The following ACBD6 variants were observed in gnomAD, a reference collection of about 807,000 sequenced individuals.
The protein encoded by ACBD6 is acyl-CoA binding domain containing 6.
ACBD6 carries 28 observed loss-of-function variants against 37.2 expected under a neutral mutation model. The ratio of observed to expected loss-of-function variants is 0.75; its 90% CI spans 0.56 to 1.03. The LOEUF is 1.03. Among genes scored for constraint, ACBD6 ranks in the 50% least tolerant of loss-of-function variants. The probability of loss-of-function intolerance (pLI) is 0.00; values close to 1 mark genes in which losing one functional copy is unlikely to be tolerated. For synonymous variants in ACBD6, 113 were observed against 126.8 expected (o/e 0.89, Z 0.73); for missense variants, 340 against 337.4 (o/e 1.01, Z -0.06).
intron 3 of ACBD6, among the ~76,000 whole-genome samples, chr1:180,474,897 CA>C (rs1257647013): frequency 6.6e-6 from 1 of 152,160 alleles, no homozygotes; most frequent in African/African-American, 2.4e-5. Flanking sequence ...ATTTACTGTC[CA>C]ACTGGGACAT....
chr1:180,313,715 T>A (rs1650682739), intron 7 of ACBD6, among the ~76,000 whole-genome samples: 1 of 152,154 alleles, frequency 6.6e-6, no homozygotes, highest in African/African-American at 2.4e-5. Flanking sequence ...ATCTTTTTTC[T>A]TTGGAGACAG....
In ACBD6 at chr1:180,288,369, C is replaced by T; in HGVS notation, c.843G>A (p.Lys281=). ...CAGTTTTCCAGTCTTTTGATTAAGCCTTGCCAGTTGTGTGCCGCTGCAGCA... is the reference window on the plus strand; with the variant it reads ...CAGTTTTCCAGTCTTTTGATTAAGCTTTGCCAGTTGTGTGCCGCTGCAGCA... The part of the protein sequence containing the change: ...SLVLQRHTTG[K]A Residue 281 remains lysine, a synonymous_variant, in exon 8 of 8, where the codon AAG becomes AAA. Transcript: ENST00000367595. The T allele has an allele frequency of 1.2e-6, 2 of 1,613,688 alleles. No individual in the cohort carries two copies. Among genetic ancestry groups the T allele is most frequent in the Non-Finnish European group, 1.7e-6 (2 of 1,179,968 alleles).
At chr1:180,383,792 A>T (rs1653746737) in intron 6 of ACBD6, among the ~76,000 whole-genome samples, 1 of 152,214 alleles carries the variant, frequency 6.6e-6, no homozygotes, top group East Asian at 1.9e-4. Context: ...TATAGTAACC[A>T]AGAAAGCATG....
intron 4 of ACBD6, among the ~76,000 whole-genome samples, chr1:180,426,827 AT>A (rs1349154801): frequency 6.6e-6 from 1 of 152,238 alleles, no homozygotes; most frequent in Admixed American, 6.5e-5. Context: ...TACTATAATT[AT>A]CCCCATTTTA....
chr1:180,354,744 T>G (rs1231607960), intron 6 of ACBD6, among the ~76,000 whole-genome samples: 2 of 152,196 alleles, frequency 1.3e-5, no homozygotes, highest in Non-Finnish European at 2.9e-5. Context: ...AATGTTAGCT[T>G]TAGTTTTATT....
chr1:180,414,789 A>G (rs1233176658), intron 4 of ACBD6, among the ~76,000 whole-genome samples: 1 of 152,256 alleles, frequency 6.6e-6, no homozygotes, highest in Non-Finnish European at 1.5e-5. Context: ...TAATAGGACT[A>G]TATGGTCACT....
At chr1:180,374,983 C>A (rs964164848) in intron 6 of ACBD6, among the ~76,000 whole-genome samples, 1 of 151,842 alleles carries the variant, frequency 6.6e-6, no homozygotes. Context: ...GGAAAGACAC[C>A]CTATATTCTT....
intron 7 of ACBD6, among the ~76,000 whole-genome samples, chr1:180,305,194 G>T (rs139891935): frequency 0.072 from 10,990 of 152,158 alleles, 1,250 homozygotes; most frequent in African/African-American, 0.24. Context: ...CATGGGCAAG[G>T]ACTTCATGTC....
chr1:180,454,562 A>C (rs903980029), intron 3 of ACBD6, among the ~76,000 whole-genome samples: 1 of 152,240 alleles, frequency 6.6e-6, no homozygotes, highest in African/African-American at 2.4e-5. Context: ...GCACAGCAAA[A>C]GAAACTATCA....
At chr1:180,281,525 G>A (rs1649308045) in intron 8 of ACBD6, 1 of 152,224 alleles carries the variant, frequency 6.6e-6, no homozygotes, top group Non-Finnish European at 1.5e-5. Flanking sequence ...TGTTATGTGA[G>A]GCACAGTTTA....
At chr1:180,470,682 T>C (rs1158459864) in intron 3 of ACBD6, among the ~76,000 whole-genome samples, 2 of 152,210 alleles carry the variant, frequency 1.3e-5, no homozygotes, top group Non-Finnish European at 2.9e-5. Context: ...AACTCTAGAA[T>C]ACAGAAAAAT....
intron 6 of ACBD6, among the ~76,000 whole-genome samples, chr1:180,386,843 A>C (rs1158411129): frequency 2.0e-5 from 3 of 152,094 alleles, no homozygotes; most frequent in Non-Finnish European, 2.9e-5. Context: ...CTACTCATTG[A>C]AACATTTTTA....
At chr1:180,290,037 A>G (rs929957404) in intron 7 of ACBD6, among the ~76,000 whole-genome samples, 1 of 152,182 alleles carries the variant, frequency 6.6e-6, no homozygotes, top group African/African-American at 2.4e-5. Flanking sequence ...TCTATTTCTT[A>G]AGCTAAGTAG....
At chr1:180,289,442 A>G (rs1649616349) in intron 7 of ACBD6, among the ~76,000 whole-genome samples, 1 of 152,224 alleles carries the variant, frequency 6.6e-6, no homozygotes, top group African/African-American at 2.4e-5. Context: ...ATTAACTTTG[A>G]CAATGCCAAG....
intron 4 of ACBD6, among the ~76,000 whole-genome samples, chr1:180,423,222 A>G (rs1337797170): frequency 3.3e-5 from 5 of 152,208 alleles, no homozygotes; most frequent in African/African-American, 1.2e-4. Flanking sequence ...AGTTTCCAAT[A>G]TATTTACTGA....
Position 180,381,240 on chromosome 1 carries a change from G to A in ACBD6, c.663+16276C>T, listed in dbSNP as rs145844819. 8.8e-3 allele frequency among the ~76,000 whole-genome samples: 1,344 copies of A among 152,154 alleles called. 7 individuals carry two copies. The highest frequency in any genetic ancestry group is 0.016 in the Admixed American group (246 of 15,284). ...GCAAATATTATTAGATTTAAAGGGC[G>A]GGATAGACTCCAATACAATAACAAT... is the stretch of plus-strand genomic sequence containing the variant. On this transcript the variant is annotated intron_variant, in intron 6 of 7. Transcript: ENST00000367595.
chr1:180,465,385 CA>C (rs1650307731), intron 3 of ACBD6, among the ~76,000 whole-genome samples: 1 of 152,058 alleles, frequency 6.6e-6, no homozygotes, highest in South Asian at 2.1e-4. Context: ...AGAAGACATA[CA>C]TGTGGCCAAG....
At chr1:180,318,072 G>C (rs1192529587) in intron 6 of ACBD6, among the ~76,000 whole-genome samples, 1 of 150,088 alleles carries the variant, frequency 6.7e-6, no homozygotes, top group Non-Finnish European at 1.5e-5. Flanking sequence ...CAGCTACTCG[G>C]GATTGCTTGA....
intron 6 of ACBD6, among the ~76,000 whole-genome samples, chr1:180,336,955 G>T (rs1651746521): frequency 6.6e-6 from 1 of 152,068 alleles, no homozygotes; most frequent in Non-Finnish European, 1.5e-5. Context: ...GACTAAACCA[G>T]GAAGAAGTTG....
Sources: gnomAD v4.1 joint callset for allele counts (sites outside exome capture counted in the v4.1 genomes callset) on GRCh38, gnomAD v4.1.1 for gene constraint, MANE v1.5 for transcripts, NCBI Gene and HGNC (gene_info 2026-07-23, HGNC 2026-07-21) for gene names.